EPHA3: variants seen among roughly 807,000 people sequenced by gnomAD.
EPHA3 encodes the protein EPH receptor A3, also known as ephrin type-A receptor 3.
Under a neutral mutation model 107.1 loss-of-function variants are expected in EPHA3, and 42 were observed. The ratio of observed to expected loss-of-function variants is 0.39; its 90% CI spans 0.31 to 0.51. EPHA3 has a LOEUF of 0.51. EPHA3 is among the 20% of genes least tolerant of loss of function. The pLI, the probability that EPHA3 is intolerant of heterozygous loss-of-function variation, is 0.78. For synonymous variants in EPHA3, 461 were observed against 424.8 expected, an observed-to-expected ratio of 1.09 and a Z score of -1.05; for missense variants, 1,183 against 1,211.2, an observed-to-expected ratio of 0.98 and a Z score of 0.35.
intron 2 of EPHA3, among the ~76,000 whole-genome samples, chr3:89,157,318 A>G (rs541878270): frequency 6.6e-6 from 1 of 151,430 alleles, no homozygotes; most frequent in Admixed American, 6.6e-5. Context: ...CAACTTTAAT[A>G]TAATTTTCTA....
chr3:89,239,865 T>C (rs1205000089), intron 3 of EPHA3, among the ~76,000 whole-genome samples: 1 of 152,176 alleles, frequency 6.6e-6, no homozygotes, highest in East Asian at 1.9e-4. Flanking sequence ...CTGACTTGAT[T>C]GATAATAGTT....
chr3:89,455,248 C>A (rs1037156110), intron 15 of EPHA3, among the ~76,000 whole-genome samples: 1 of 152,018 alleles, frequency 6.6e-6, no homozygotes, highest in South Asian at 2.1e-4. Context: ...GGAATAGCTG[C>A]GAAAGAGTCT....
At chr3:89,435,952 CAAT>C (rs974588507) in intron 13 of EPHA3, among the ~76,000 whole-genome samples, 2 of 149,370 alleles carry the variant, frequency 1.3e-5, no homozygotes, top group African/African-American at 2.4e-5. Flanking sequence ...GAATCCATCT[CAAT>C]AATAATAATA....
chr3:89,361,932 T>C (rs1289720452), intron 5 of EPHA3, among the ~76,000 whole-genome samples: 1 of 151,238 alleles, frequency 6.6e-6, no homozygotes. Flanking sequence ...TATTTTTATA[T>C]GTATTTTGTT....
At chr3:89,266,446 T>C (rs1463620353) in intron 3 of EPHA3, among the ~76,000 whole-genome samples, 1 of 152,196 alleles carries the variant, frequency 6.6e-6, no homozygotes, top group Non-Finnish European at 1.5e-5. Flanking sequence ...TTTCACATTT[T>C]AGTGTGTCAG....
chr3:89,382,325 TG>T (rs771642534), intron 5 of EPHA3, among the ~76,000 whole-genome samples: 5 of 151,722 alleles, frequency 3.3e-5, no homozygotes, highest in African/African-American at 4.8e-5. Context: ...CTGGCCAACA[TG>T]GTGAAGCCTT....
intron 2 of EPHA3, among the ~76,000 whole-genome samples, chr3:89,193,139 G>A (rs1162921819): frequency 2.6e-5 from 4 of 152,082 alleles, no homozygotes; most frequent in Admixed American, 2.0e-4. Flanking sequence ...CAAAATATCT[G>A]AATATCTTCT....
chr3:89,130,562 C>T (rs556568512), intron 2 of EPHA3, among the ~76,000 whole-genome samples: 3 of 151,104 alleles, frequency 2.0e-5, no homozygotes, highest in South Asian at 2.1e-4. Flanking sequence ...CCTCCAAAGA[C>T]GTATTCATAC....
At chr3:89,218,201 A>G (rs1397091514) in intron 3 of EPHA3, among the ~76,000 whole-genome samples, 1 of 151,784 alleles carries the variant, frequency 6.6e-6, no homozygotes, top group African/African-American at 2.4e-5. Flanking sequence ...CAGGTTTGTT[A>G]CATATGTACA....
At chr3:89,162,238 T>A (rs1704964357) in intron 2 of EPHA3, among the ~76,000 whole-genome samples, 2 of 152,068 alleles carry the variant, frequency 1.3e-5, no homozygotes, top group Admixed American at 1.3e-4. Context: ...GGTAATTTGG[T>A]GTCCTGGAAA....
chr3:89,330,172 G>C (rs1707254310), intron 3 of EPHA3, among the ~76,000 whole-genome samples: 1 of 151,634 alleles, frequency 6.6e-6, no homozygotes, highest in Non-Finnish European at 1.5e-5. Context: ...TAAATTTCAG[G>C]ATACCTTAAG....
At chr3:89,157,732 T>A (rs1459865292) in intron 2 of EPHA3, among the ~76,000 whole-genome samples, 1 of 151,896 alleles carries the variant, frequency 6.6e-6, no homozygotes, top group African/African-American at 2.4e-5. Context: ...TTCCAGGAAG[T>A]TGCTTCTACA....
intron 3 of EPHA3, among the ~76,000 whole-genome samples, chr3:89,307,948 A>G (rs1193781803): frequency 6.6e-6 from 1 of 152,186 alleles, no homozygotes; most frequent in East Asian, 1.9e-4. Context: ...AATAAAATGT[A>G]GCTGACAGTT....
chr3:89,377,860 A>T (rs1262058419), intron 5 of EPHA3, among the ~76,000 whole-genome samples: 2 of 152,204 alleles, frequency 1.3e-5, no homozygotes, highest in Non-Finnish European at 2.9e-5. Context: ...AATGGCTCTG[A>T]AAATTAGAAA....
chr3:89,214,513 A>T, intron 3 of EPHA3, among the ~76,000 whole-genome samples: 1 of 151,952 alleles, frequency 6.6e-6, no homozygotes, highest in East Asian at 1.9e-4. Flanking sequence ...TATTTAATGA[A>T]TGTATATATT....
chr3:89,210,140 C>G lies in EPHA3; in HGVS notation c.434C>G (p.Thr145Ser), dbSNP rs2107182004. The change falls in exon 3 of 17, where the codon ACC becomes AGC. Residue 145 changes from threonine (T) to serine (S), a missense_variant. Thr to Ser is a moderately conservative substitution (Grantham distance 58). Transcript: ENST00000336596. ...FREHQFTKID[T>S]IAADESFTQM... The stretch of plus-strand genomic sequence containing the variant: ...GAGCATCAGTTTACAAAGATTGACA[C>G]CATTGCAGCTGATGAAAGTTTCACT... The G allele has an allele frequency of 6.2e-7, 1 of 1,613,924 alleles. No homozygotes were observed. The highest frequency in any genetic ancestry group is 8.5e-7 in the Non-Finnish European group (1 of 1,179,908).
chr3:89,431,141 G>T lies in EPHA3; in HGVS notation c.2137-9G>T, dbSNP rs1347307954. ...CGTATCTTAATTGTACATTTGAAAT[G>T]CTTCCCAGAAACACGATGCCCAGTT... On this transcript the variant is annotated splice_polypyrimidine_tract_variant and intron_variant, in intron 12 of 16. Coordinates refer to ENST00000336596, the MANE Select transcript of EPHA3 (RefSeq NM_005233.6). 5.6e-6 allele frequency: 9 copies of T among 1,612,150 alleles called. No individual in the cohort carries two copies. The highest frequency in any genetic ancestry group is 7.6e-6 in the Non-Finnish European group (9 of 1,179,242).
chr3:89,221,747 T>A (rs1410215729), intron 3 of EPHA3, among the ~76,000 whole-genome samples: 2 of 152,186 alleles, frequency 1.3e-5, no homozygotes, highest in African/African-American at 4.8e-5. Context: ...AGTGTCACAA[T>A]GCCAGAATGT....
intron 13 of EPHA3, among the ~76,000 whole-genome samples, chr3:89,443,920 A>G (rs999594320): frequency 6.6e-6 from 1 of 152,096 alleles, no homozygotes; most frequent in African/African-American, 2.4e-5. Context: ...AGAAAAAAGG[A>G]AAAAAAGCCT....
Sources: allele counts gnomAD v4.1 joint callset (sites outside exome capture counted in the v4.1 genomes callset), GRCh38; gene constraint gnomAD v4.1.1; transcripts MANE v1.5; gene names NCBI Gene and HGNC (gene_info 2026-07-23, HGNC 2026-07-21).